LPP: variants seen among roughly 807,000 people sequenced by gnomAD.
LPP encodes LIM domain containing preferred translocation partner in lipoma.
LPP carries 38 observed loss-of-function variants against 60.4 expected under a neutral mutation model. That is an observed-to-expected ratio of 0.63 (90% CI 0.49 to 0.83). The LOEUF (loss-of-function observed/expected upper bound fraction) is 0.83, where lower values mean the gene tolerates loss of function less well. Ranked by LOEUF, LPP falls within the 40% of genes least tolerant of loss-of-function variation. The pLI is 0.00. For missense variants in LPP, 902 were observed against 783.6 expected (o/e 1.15, Z -1.80); for synonymous variants, 328 against 290.8 (o/e 1.13, Z -1.30).
In LPP at chr3:188,609,972, G is replaced by C. The variant is rs1321754263; in HGVS notation, c.1113+128G>C. ...ATTTCACTGACAAATACAATCCCAG[G>C]GAAGGATGAGTGAAGCCAGAGAGGA... On this transcript the variant is annotated intron_variant, in intron 7 of 11. Coordinates refer to ENST00000617246, the MANE Select transcript of LPP (RefSeq NM_001375462.1). The surrounding 1 kb of genome is among the most constrained non-coding windows in gnomAD (Gnocchi z 6.9). 2 of 895,068 alleles carry C rather than the reference G, an allele frequency of 2.2e-6. No individual in the cohort carries two copies. Among genetic ancestry groups the C allele is most frequent in the African/African-American group, 3.4e-5 (2 of 58,814 alleles). 55.4% of individuals were successfully genotyped at this position (895,068 alleles called of 1,614,324 possible). A position where few individuals can be genotyped will look rare whatever the true frequency, so the allele number is the denominator to read the frequency against.
intron 4 of LPP, among the ~76,000 whole-genome samples, chr3:188,472,208 T>C (rs759730359): frequency 2.6e-5 from 4 of 152,172 alleles, no homozygotes; most frequent in Non-Finnish European, 4.4e-5. Context: ...CCTGCTGCTG[T>C]TTGTTCTGAG....
Position 188,609,249 on chromosome 3 carries a change from C to T in LPP, c.518C>T (p.Thr173Ile). The T allele has an allele frequency of 6.2e-7, 1 of 1,614,088 alleles. No individual in the cohort carries two copies. The highest frequency in any genetic ancestry group is 1.3e-5 in the African/African-American group (1 of 75,000). Reference protein sequence around the residue: ...RMVIPNQPPLTATKKSTLKPQ... With the variant: ...RMVIPNQPPLIATKKSTLKPQ... ...GTCATCCCGAACCAACCCCCTCTAACAGCAACCAAGAAGTCTACATTGAAA... is the reference window on the plus strand; with the variant it reads ...GTCATCCCGAACCAACCCCCTCTAATAGCAACCAAGAAGTCTACATTGAAA... Residue 173 changes from threonine (T) to isoleucine (I), a missense_variant, in exon 7 of 12, where the codon ACA becomes ATA. By Grantham distance (89) the Thr-to-Ile change is moderately conservative. Coordinates refer to ENST00000617246, the MANE Select transcript of LPP (RefSeq NM_001375462.1). The surrounding 1 kb of genome is among the most constrained non-coding windows in gnomAD (Gnocchi z 6.9).
At chr3:188,674,616 A>G (rs1320542464) in intron 7 of LPP, among the ~76,000 whole-genome samples, 1 of 152,200 alleles carries the variant, frequency 6.6e-6, no homozygotes, top group Non-Finnish European at 1.5e-5. Flanking sequence ...GTAAGTACCT[A>G]CTTTTCAACA....
At chr3:188,522,811 A>ATG (rs1186990811) in intron 5 of LPP, among the ~76,000 whole-genome samples, 1 of 123,850 alleles carries the variant, frequency 8.1e-6, no homozygotes, top group African/African-American at 3.0e-5. Context: ...ATATATATAT[A>ATG]TATATGTGTA....
chr3:188,435,089 A>G (rs1365451467), intron 4 of LPP, among the ~76,000 whole-genome samples: 1 of 152,216 alleles, frequency 6.6e-6, no homozygotes, highest in African/African-American at 2.4e-5. Flanking sequence ...GTAGAAGTAA[A>G]ATATAAAAAC....
At chr3:188,345,047 A>G (rs1763968027) in intron 3 of LPP, among the ~76,000 whole-genome samples, 1 of 152,368 alleles carries the variant, frequency 6.6e-6, no homozygotes, top group African/African-American at 2.4e-5. Flanking sequence ...ATTTCATGTC[A>G]CAGATGGAGA....
rs1042270897 is a variant in LPP at position 188,469,206 on chromosome 3, A to G, written c.194-15386A>G. The stretch of plus-strand genomic sequence containing the variant: ...ATCCAATAGATTTTGGAGGTCTTGT[A>G]AACTTTGCTATTGATCTGGGACTTA... On this transcript the variant is annotated intron_variant, in intron 4 of 11. Coordinates refer to ENST00000617246, the MANE Select transcript of LPP (RefSeq NM_001375462.1). 2.6e-5 allele frequency among the ~76,000 whole-genome samples: 4 copies of G among 152,176 alleles called. No individual in the cohort carries two copies. In the South Asian group the frequency reaches 8.3e-4, roughly 31 times the overall value.
At position 188,862,721 on chromosome 3, in the gene LPP, AAATAAATAAATAAAT is replaced by A. The variant is rs1560308261; in HGVS notation, c.1411-3476_1411-3462del. ...TGGCAACCCTACTAGACAAAAAAAT[AAATAAATAAATAAAT>A]AAAAGAAAAAAGAAAAGAAAGAAAG... On this transcript the variant is annotated intron_variant, in intron 9 of 11. Transcript: ENST00000617246. Among the ~76,000 whole-genome samples, 8 of 51,382 alleles carry A rather than the reference AAATAAATAAATAAAT, an allele frequency of 1.6e-4. 2 individuals are homozygous for A. The highest frequency in any genetic ancestry group is 2.5e-4 in the Admixed American group (1 of 4,066). The allele number at this position is 51,382 out of a possible 152,430, so 33.7% of individuals were successfully genotyped here. A position where few individuals can be genotyped will look rare whatever the true frequency, so the allele number is the denominator to read the frequency against.
At chr3:188,219,904 C>T (rs903885525) in intron 1 of LPP, among the ~76,000 whole-genome samples, 8 of 152,214 alleles carry the variant, frequency 5.3e-5, no homozygotes, top group Non-Finnish European at 7.3e-5. Flanking sequence ...TCTGCACAGA[C>T]GCCATCTTGG....
At chr3:188,356,043 C>T (rs934926692) in intron 3 of LPP, among the ~76,000 whole-genome samples, 1 of 152,208 alleles carries the variant, frequency 6.6e-6, no homozygotes, top group African/African-American at 2.4e-5. Flanking sequence ...TGTAATTTTG[C>T]TGTTTTCACT....
chr3:188,239,720 G>T (rs576701366), intron 2 of LPP: 11 of 217,846 alleles, frequency 5.0e-5, no homozygotes, highest in African/African-American at 2.2e-4. Context: ...CCTTAGCCTG[G>T]AAATAAACAA....
intron 5 of LPP, among the ~76,000 whole-genome samples, chr3:188,500,948 C>T (rs1811656931): frequency 6.6e-6 from 1 of 151,984 alleles, no homozygotes; most frequent in Non-Finnish European, 1.5e-5. Flanking sequence ...CTCTCTCTCA[C>T]TTCATCTAGC....
intron 3 of LPP, among the ~76,000 whole-genome samples, chr3:188,363,905 CAA>C (rs541715135): frequency 0.045 from 4,321 of 96,940 alleles, 70 homozygotes; most frequent in African/African-American, 0.076. Context: ...AACTCCCTCC[CAA>C]AAAAAAAAAA....
intron 1 of LPP, among the ~76,000 whole-genome samples, chr3:188,221,177 A>C (rs544972460): frequency 6.6e-6 from 1 of 152,132 alleles, no homozygotes; most frequent in Admixed American, 6.5e-5. Context: ...GAACACCCTG[A>C]ACTCATCCTT....
intron 2 of LPP, among the ~76,000 whole-genome samples, chr3:188,276,673 CTCTCTCTCTCTCTCTCTCTCTT>C (rs370565393): frequency 0.29 from 11,638 of 39,602 alleles, 560 homozygotes; most frequent in Non-Finnish European, 0.33. Context: ...AACTCTGTCT[CTCTCTCTCTCTCTCTCTCTCTT>C]TCTCTCTCTC....
Position 188,323,191 on chromosome 3 carries a change from AAG to A in LPP, c.-66-18463_-66-18462del, listed in dbSNP as rs763084131. ...TACTAGAGAAGGAACAAATAAAGAA[AAG>A]AGAGAGAGCAGACATAAAAACATCC... is the stretch of plus-strand genomic sequence containing the variant. On this transcript the variant is annotated intron_variant, in intron 2 of 11. Transcript: ENST00000617246. Among the ~76,000 whole-genome samples the A allele has an allele frequency of 7.9e-5, 12 of 152,282 alleles. No homozygotes were observed. In the South Asian group the frequency reaches 8.3e-4, roughly 11 times the overall value.
chr3:188,474,008 G>C (rs1308023152), intron 4 of LPP, among the ~76,000 whole-genome samples: 1 of 152,268 alleles, frequency 6.6e-6, no homozygotes, highest in South Asian at 2.1e-4. Context: ...GTTATTAACT[G>C]TCTAGCTGTT....
chr3:188,762,221 C>T (rs761182871), intron 9 of LPP, among the ~76,000 whole-genome samples: 3 of 152,130 alleles, frequency 2.0e-5, no homozygotes, highest in Non-Finnish European at 4.4e-5. Context: ...AGTGCCTCCC[C>T]TCCTTGGGAA....
At chr3:188,376,076 G>T (rs1774977970) in intron 3 of LPP, among the ~76,000 whole-genome samples, 1 of 152,032 alleles carries the variant, frequency 6.6e-6, no homozygotes, top group Non-Finnish European at 1.5e-5. Context: ...GAGACAGTTT[G>T]TTATAATTTC....
Sources: gnomAD v4.1 joint callset for allele counts (sites outside exome capture counted in the v4.1 genomes callset) on GRCh38, gnomAD v4.1.1 for gene constraint, Gnocchi (gnomAD v3.1) non-coding constraint, MANE v1.5 for transcripts, NCBI Gene and HGNC (gene_info 2026-07-23, HGNC 2026-07-21) for gene names.